The following CRACDL variants were observed in gnomAD, a reference collection of about 807,000 sequenced individuals.
CRACDL encodes the protein CRACD-like protein.
In CRACDL, 26 loss-of-function variants were observed where a neutral mutation model predicts 70.6. The observed-to-expected ratio is 0.37, with a 90% confidence interval of 0.27 to 0.51. The LOEUF is 0.51. CRACDL is among the 20% of genes least tolerant of loss of function. The probability of loss-of-function intolerance (pLI) is 0.94; values close to 1 mark genes in which losing one functional copy is unlikely to be tolerated. For synonymous variants in CRACDL, 618 were observed against 615.2 expected (o/e 1.00, Z -0.07); for missense variants, 1,283 against 1,376.9 (o/e 0.93, Z 1.08).
At chr2:98,857,860 T>TATATATACACAC (rs1706770585) in intron 1 of CRACDL, among the ~76,000 whole-genome samples, 1 of 152,198 alleles carries the variant, frequency 6.6e-6, no homozygotes, top group Non-Finnish European at 1.5e-5. Context: ...TGTGTGTATA[T>TATATATACACAC]ATATGCATAT....
At chr2:98,879,912 G>T (rs1024700727) in intron 1 of CRACDL, among the ~76,000 whole-genome samples, 1 of 152,188 alleles carries the variant, frequency 6.6e-6, no homozygotes, top group East Asian at 1.9e-4. Flanking sequence ...ATATTTCCAT[G>T]GGGGTGGACA....
chr2:98,862,028 G>A (rs1239964816), intron 1 of CRACDL, among the ~76,000 whole-genome samples: 1 of 152,100 alleles, frequency 6.6e-6, no homozygotes, highest in Non-Finnish European at 1.5e-5. Context: ...TCCAGCCCCA[G>A]GTGACTCCCT....
chr2:98,899,285 G>A (rs750715715), intron 1 of CRACDL, among the ~76,000 whole-genome samples: 2 of 152,236 alleles, frequency 1.3e-5, no homozygotes, highest in Non-Finnish European at 2.9e-5. Context: ...AACCTCAGAC[G>A]TTAAGCCTTT....
intron 7 of CRACDL, among the ~76,000 whole-genome samples, chr2:98,800,545 A>G (rs1293508429): frequency 6.6e-6 from 1 of 152,110 alleles, no homozygotes; most frequent in East Asian, 1.9e-4. Flanking sequence ...GAGAGGTGAC[A>G]AGGGCTTGGA....
At position 98,794,421 on chromosome 2, in the gene CRACDL, A is replaced by T; in HGVS notation, c.*111T>A. 2 of 1,010,622 alleles carry T rather than the reference A, an allele frequency of 2.0e-6. No individual in the cohort carries two copies. Among genetic ancestry groups the T allele is most frequent in the Non-Finnish European group, 1.5e-6 (1 of 671,208 alleles). 62.6% of individuals were successfully genotyped at this position (1,010,622 alleles called of 1,614,324 possible). A position where few individuals can be genotyped will look rare whatever the true frequency, so the allele number is the denominator to read the frequency against. On this transcript the variant is annotated 3_prime_UTR_variant, in exon 10 of 10. Transcript: ENST00000397899. Reference sequence around the variant, plus strand: ...TCTTCCCCAAGTTCGTCATAACTTGATGATAAAATCAATCTTTAAGTTTCA... The same window carrying T: ...TCTTCCCCAAGTTCGTCATAACTTGTTGATAAAATCAATCTTTAAGTTTCA...
chr2:98,911,150 C>T (rs948672819), intron 1 of CRACDL, among the ~76,000 whole-genome samples: 1 of 152,186 alleles, frequency 6.6e-6, no homozygotes, highest in African/African-American at 2.4e-5. Flanking sequence ...ACAGGCACAC[C>T]CCTCTTCTGC....
At chr2:98,914,321 C>T (rs1708616769) in intron 1 of CRACDL, among the ~76,000 whole-genome samples, 3 of 152,212 alleles carry the variant, frequency 2.0e-5, no homozygotes, top group Non-Finnish European at 2.9e-5. Flanking sequence ...CACCTCCTCA[C>T]AGGCCTGTTT....
intron 6 of CRACDL, among the ~76,000 whole-genome samples, chr2:98,825,077 C>T (rs1310174108): frequency 6.6e-6 from 1 of 151,858 alleles, no homozygotes; most frequent in Admixed American, 6.6e-5. Flanking sequence ...TCTGAAAGCA[C>T]CTTGATCCCT....
rs1176163059 is a variant in CRACDL at position 98,823,879 on chromosome 2, T to C, written c.736-342A>G. On this transcript the variant is annotated intron_variant, in intron 6 of 9. Transcript: ENST00000397899. The surrounding 1 kb of genome is among the most constrained non-coding windows in gnomAD (Gnocchi z 4.0). ...CTGTGCTCCCACACTTGTTATTTCA[T>C]TTAATCTTCCATTCATCCCAGTGAG... Among the ~76,000 whole-genome samples, 2 of 152,210 alleles carry C rather than the reference T, an allele frequency of 1.3e-5. No individual in the cohort carries two copies. The highest frequency in any genetic ancestry group is 2.9e-5 in the Non-Finnish European group (2 of 68,026).
At chr2:98,889,472 T>C (rs1428295629) in intron 1 of CRACDL, among the ~76,000 whole-genome samples, 1 of 151,938 alleles carries the variant, frequency 6.6e-6, no homozygotes, top group Non-Finnish European at 1.5e-5. Flanking sequence ...TGAATCAAGA[T>C]TAAACAACCA....
intron 7 of CRACDL, 141 bp downstream of exon 7, chr2:98,821,716 G>A (rs895173324): frequency 2.7e-6 from 3 of 1,123,632 alleles, no homozygotes; most frequent in Non-Finnish European, 3.7e-6. Context: ...CAGACATGAT[G>A]TTAGTGGGAA....
chr2:98,816,528 G>A (rs1486355712), intron 7 of CRACDL, among the ~76,000 whole-genome samples: 1 of 152,194 alleles, frequency 6.6e-6, no homozygotes, highest in Admixed American at 6.5e-5. Context: ...TATGAATGCT[G>A]AAGTGTCAAG....
intron 1 of CRACDL, among the ~76,000 whole-genome samples, chr2:98,877,205 T>A (rs1218088105): frequency 1.6e-4 from 24 of 152,208 alleles, no homozygotes. Context: ...ACCCTCGACT[T>A]TACCACTAAC....
chr2:98,881,584 G>A (rs1161193898), intron 1 of CRACDL, among the ~76,000 whole-genome samples: 1 of 152,192 alleles, frequency 6.6e-6, no homozygotes, highest in Non-Finnish European at 1.5e-5. Context: ...AGAGAACCAC[G>A]GTTCTAGAGG....
At chr2:98,867,598 A>T (rs1463696415) in intron 1 of CRACDL, among the ~76,000 whole-genome samples, 1 of 152,246 alleles carries the variant, frequency 6.6e-6, no homozygotes, top group Non-Finnish European at 1.5e-5. Flanking sequence ...GCTAAGCATC[A>T]GACTTCATAG....
chr2:98,889,650 T>C (rs952163351), intron 1 of CRACDL, among the ~76,000 whole-genome samples: 2 of 152,190 alleles, frequency 1.3e-5, no homozygotes, highest in Non-Finnish European at 2.9e-5. Context: ...AAAAGCATGC[T>C]ACGCCAACTA....
At chr2:98,832,563 C>T (rs1234518025) in intron 4 of CRACDL, 51 bp from the exon 5 acceptor site, 2 of 1,463,758 alleles carry the variant, frequency 1.4e-6, no homozygotes, top group Non-Finnish European at 1.9e-6. Context: ...TGATATTTAT[C>T]AACAAATCCT....
At chr2:98,798,585 AC>A (rs1459455683) in intron 7 of CRACDL, among the ~76,000 whole-genome samples, 1 of 150,580 alleles carries the variant, frequency 6.6e-6, no homozygotes, top group East Asian at 2.0e-4. Context: ...CCCTCCTCTT[AC>A]ATTTCAGCTC....
At chr2:98,895,478 C>T (rs1708095293) in intron 1 of CRACDL, among the ~76,000 whole-genome samples, 1 of 152,100 alleles carries the variant, frequency 6.6e-6, no homozygotes. Context: ...GATTCCAGGT[C>T]CAGGGAATGG....
Sources: allele counts gnomAD v4.1 joint callset (sites outside exome capture counted in the v4.1 genomes callset), GRCh38; gene constraint gnomAD v4.1.1; non-coding constraint Gnocchi (gnomAD v3.1); transcripts MANE v1.5; gene names NCBI Gene and HGNC (gene_info 2026-07-23, HGNC 2026-07-21).